The following CLSTN2 variants were observed in gnomAD, a reference collection of about 807,000 sequenced individuals.
The protein encoded by CLSTN2 is calsyntenin 2.
In CLSTN2, 48 loss-of-function variants were observed where a neutral mutation model predicts 101.2. The observed-to-expected ratio is 0.47, with a 90% CI of 0.38 to 0.60. The LOEUF is 0.60. Among genes scored for constraint, CLSTN2 ranks in the 20% least tolerant of loss-of-function variants. The pLI is 0.00. For missense variants in CLSTN2, 1,160 were observed against 1,238.2 expected (o/e 0.94, Z 0.95); for synonymous variants, 481 against 463.6 (o/e 1.04, Z -0.48).
chr3:140,331,315 G>C (rs573902963), intron 2 of CLSTN2, among the ~76,000 whole-genome samples: 14 of 152,284 alleles, frequency 9.2e-5, no homozygotes, highest in Admixed American at 2.0e-4. Flanking sequence ...CAGCTGATCA[G>C]ATGGTGCCTA....
At chr3:139,942,346 A>G (rs891394490) in intron 1 of CLSTN2, among the ~76,000 whole-genome samples, 2 of 152,142 alleles carry the variant, frequency 1.3e-5, no homozygotes, top group Admixed American at 6.5e-5. Flanking sequence ...AGCCTTCTGC[A>G]CTGTATAGTC....
chr3:140,156,067 C>T (rs2009948758), intron 1 of CLSTN2, among the ~76,000 whole-genome samples: 1 of 152,006 alleles, frequency 6.6e-6, no homozygotes, highest in African/African-American at 2.4e-5. Context: ...TGGTGTATAA[C>T]GTTCTTTGCA....
chr3:140,376,115 T>A (rs1475462725), intron 2 of CLSTN2, among the ~76,000 whole-genome samples: 1 of 152,202 alleles, frequency 6.6e-6, no homozygotes, highest in Non-Finnish European at 1.5e-5. Context: ...ACAATTGAGG[T>A]CTGCTTTTCC....
At chr3:140,318,453 A>C in intron 2 of CLSTN2, among the ~76,000 whole-genome samples, 1 of 152,202 alleles carries the variant, frequency 6.6e-6, no homozygotes, top group Admixed American at 6.5e-5. Flanking sequence ...TTTATGCAGA[A>C]GCTCCTGGTA....
At chr3:140,515,840 A>G (rs2107770612) in intron 8 of CLSTN2, among the ~76,000 whole-genome samples, 1 of 152,166 alleles carries the variant, frequency 6.6e-6, no homozygotes, top group East Asian at 1.9e-4. Flanking sequence ...TTCTGTAAAT[A>G]TCTGTTAAGT....
intron 2 of CLSTN2, among the ~76,000 whole-genome samples, chr3:140,329,613 C>A (rs1023506327): frequency 2.7e-4 from 41 of 152,112 alleles, no homozygotes; most frequent in African/African-American, 9.6e-4. Flanking sequence ...AAAATTCATC[C>A]TAACTTTATA....
intron 2 of CLSTN2, among the ~76,000 whole-genome samples, chr3:140,284,971 G>A (rs964960653): frequency 5.3e-5 from 8 of 152,072 alleles, no homozygotes; most frequent in African/African-American, 1.9e-4. Context: ...AGGCTTGCAT[G>A]CAGGTTTATT....
chr3:139,959,834 A>T (rs1236923968), intron 1 of CLSTN2, among the ~76,000 whole-genome samples: 1 of 152,140 alleles, frequency 6.6e-6, no homozygotes, highest in Non-Finnish European at 1.5e-5. Context: ...TCAGACACAG[A>T]ATGTCACTAT....
At chr3:139,968,100 A>T (rs1935635068) in intron 1 of CLSTN2, among the ~76,000 whole-genome samples, 1 of 152,198 alleles carries the variant, frequency 6.6e-6, no homozygotes, top group South Asian at 2.1e-4. Context: ...AGCCCAAATA[A>T]GACTCTCCTT....
chr3:140,529,739 G>A (rs920926076), intron 8 of CLSTN2, among the ~76,000 whole-genome samples: 4 of 152,178 alleles, frequency 2.6e-5, no homozygotes, highest in African/African-American at 9.7e-5. Flanking sequence ...CGCCCAATTA[G>A]GAGCTCACTG....
At chr3:139,997,550 A>AT (rs369632036) in intron 1 of CLSTN2, among the ~76,000 whole-genome samples, 91 of 151,938 alleles carry the variant, frequency 6.0e-4, no homozygotes, top group Non-Finnish European at 1.1e-3. Flanking sequence ...TTCATTGTTA[A>AT]TTTTTTCTAG....
rs540586124 is a variant in CLSTN2 at position 139,997,002 on chromosome 3, G to A, written c.109+61519G>A. 3.6e-4 allele frequency among the ~76,000 whole-genome samples: 53 copies of A among 147,068 alleles called. No individual in the cohort carries two copies. The South Asian group carries it at 5.2e-3, about 14-fold the overall frequency. On this transcript the variant is annotated intron_variant, in intron 1 of 16. Coordinates refer to ENST00000458420, the MANE Select transcript of CLSTN2 (RefSeq NM_022131.3). ...GCGGAAGTTGCAGTCAGCCAAGATC[G>A]CGCCATTGCACTCCAGCCTGGGCAA...
At chr3:140,186,143 G>A (rs1202725173) in intron 2 of CLSTN2, among the ~76,000 whole-genome samples, 1 of 152,066 alleles carries the variant, frequency 6.6e-6, no homozygotes, top group Non-Finnish European at 1.5e-5. Flanking sequence ...AAACATTGAG[G>A]AAATCGTCTT....
intron 1 of CLSTN2, among the ~76,000 whole-genome samples, chr3:140,106,706 A>C (rs2009064931): frequency 6.6e-6 from 1 of 152,222 alleles, no homozygotes; most frequent in African/African-American, 2.4e-5. Flanking sequence ...CTGTTATTTA[A>C]ACATAATTTT....
At chr3:140,158,494 G>T (rs1382968099) in intron 1 of CLSTN2, among the ~76,000 whole-genome samples, 3 of 152,116 alleles carry the variant, frequency 2.0e-5, no homozygotes, top group African/African-American at 7.2e-5. Flanking sequence ...TCATCAAGGA[G>T]ATGAAAGATC....
chr3:140,473,181 G>A (rs1021614120), intron 8 of CLSTN2, among the ~76,000 whole-genome samples: 1 of 152,190 alleles, frequency 6.6e-6, no homozygotes, highest in African/African-American at 2.4e-5. Flanking sequence ...CACTGCCTGA[G>A]CCATGCTCGT....
At chr3:140,195,541 A>C (rs1469878688) in intron 2 of CLSTN2, among the ~76,000 whole-genome samples, 2 of 152,106 alleles carry the variant, frequency 1.3e-5, no homozygotes, top group African/African-American at 4.8e-5. Context: ...AAGAATGGTT[A>C]TGAGAAAAAA....
chr3:140,493,101 G>A (rs1372100573), intron 8 of CLSTN2, among the ~76,000 whole-genome samples: 5 of 152,176 alleles, frequency 3.3e-5, no homozygotes, highest in Admixed American at 3.3e-4. Context: ...GGTTTAATCA[G>A]CAAAGGAAAA....
At chr3:140,159,767 G>A (rs928431081) in intron 1 of CLSTN2, among the ~76,000 whole-genome samples, 4 of 152,248 alleles carry the variant, frequency 2.6e-5, no homozygotes, top group African/African-American at 9.6e-5. Context: ...CAACCCAGTT[G>A]CCTATCAACA....
Sources: allele counts gnomAD v4.1 joint callset (sites outside exome capture counted in the v4.1 genomes callset), GRCh38; gene constraint gnomAD v4.1.1; transcripts MANE v1.5; gene names NCBI Gene and HGNC (gene_info 2026-07-23, HGNC 2026-07-21).